The following KIF14 variants were observed in gnomAD, a reference collection of about 807,000 sequenced individuals.
KIF14 encodes kinesin family member 14.
In KIF14, 98 loss-of-function variants were observed where a neutral mutation model predicts 176.2. The observed-to-expected ratio is 0.56, with a 90% CI of 0.47 to 0.66. The LOEUF (loss-of-function observed/expected upper bound fraction) is 0.66. KIF14 is among the 30% of genes least tolerant of loss of function. The pLI is 0.00. For missense variants in KIF14, 1,751 were observed against 1,920.4 expected, an observed-to-expected ratio of 0.91 and a Z score of 1.65; for synonymous variants, 566 against 632.2, an observed-to-expected ratio of 0.90 and a Z score of 1.57.
intron 20 of KIF14, among the ~76,000 whole-genome samples, chr1:200,580,886 G>A (rs1056445696): frequency 2.0e-5 from 3 of 151,842 alleles, no homozygotes; most frequent in Non-Finnish European, 4.4e-5. Context: ...CAAGTCAGGC[G>A]GATCACTAGG....
At chr1:200,614,276 T>C in intron 4 of KIF14, 42 bp downstream of exon 4, 1 of 1,097,154 alleles carries the variant, frequency 9.1e-7, no homozygotes, top group Non-Finnish European at 1.4e-6. Flanking sequence ...TTTGACTATT[T>C]TCTACTCTGA....
Position 200,592,233 on chromosome 1 carries a change from C to A in KIF14, c.2660G>T (p.Arg887Leu), listed in dbSNP as rs777717315. ...ATAATGATCTCCACCAAGAATCACT[C>A]GATCACCCTAAAGCACACAAAAAAA... The part of the protein sequence containing the change: ...LEITVLRHGD[R>L]VILGGDHYFR... The change falls in exon 16 of 30, where the codon CGA (arginine) becomes CTA (leucine). Residue 887 changes from arginine (R) to leucine (L), a missense_variant. Physicochemically the swap from Arg to Leu is moderately radical, Grantham distance 102. Transcript: ENST00000367350. 1.2e-6 allele frequency: 2 copies of A among 1,612,730 alleles called. No homozygotes were observed. The highest frequency in any genetic ancestry group is 1.7e-5 in the Admixed American group (1 of 59,756).
intron 3 of KIF14, 78 bp downstream of exon 3, chr1:200,615,277 T>C: frequency 7.3e-7 from 1 of 1,374,292 alleles, no homozygotes; most frequent in Non-Finnish European, 1.0e-6. Context: ...AACTATATTC[T>C]TTCTATCACC....
At chr1:200,577,676 G>A (rs1249074549) in intron 21 of KIF14, among the ~76,000 whole-genome samples, 2 of 151,430 alleles carry the variant, frequency 1.3e-5, no homozygotes, top group Non-Finnish European at 2.9e-5. Context: ...ACTCCAGCCT[G>A]GCAACGGAGT....
intron 25 of KIF14, 151 bp downstream of exon 25, chr1:200,564,918 C>T: frequency 3.3e-6 from 2 of 606,408 alleles, no homozygotes; most frequent in Non-Finnish European, 5.8e-6. Flanking sequence ...TTTAACAAAT[C>T]AATTACAGAC....
chr1:200,600,551 C>T, intron 11 of KIF14, 48 bp from the exon 12 acceptor site: 1 of 1,300,476 alleles, frequency 7.7e-7, no homozygotes, highest in Non-Finnish European at 1.1e-6. Flanking sequence ...TAATATATAA[C>T]AATTTCCACA....
chr1:200,612,695 C>T (rs964848893), intron 4 of KIF14, among the ~76,000 whole-genome samples: 2 of 152,060 alleles, frequency 1.3e-5, no homozygotes, highest in Non-Finnish European at 2.9e-5. Flanking sequence ...TCATCAATTA[C>T]TCAAATCTAC....
chr1:200,589,682 T>C lies in KIF14; in HGVS notation c.2962-313A>G, dbSNP rs1043757295. Among the ~76,000 whole-genome samples, 6 of 138,642 alleles carry C rather than the reference T, an allele frequency of 4.3e-5. No individual in the cohort carries two copies. The East Asian group carries it at 1.0e-3, about 23-fold the overall frequency. 91.0% of individuals were successfully genotyped at this position (138,642 alleles called of 152,430 possible). A position where few individuals can be genotyped will look rare whatever the true frequency, so the allele number is the denominator to read the frequency against. ...CCACCAACTTTTTTCTTTTTTTTTT[T>C]TTTTTTTTTTTTTTTGAGACAGAGT... On this transcript the variant is annotated intron_variant, in intron 17 of 29. Transcript: ENST00000367350.
Position 200,554,565 on chromosome 1 carries a change from G to A in KIF14, c.4470C>T (p.Tyr1490=), listed in dbSNP as rs920669091. 1 of 1,549,760 alleles carries A rather than the reference G, an allele frequency of 6.5e-7. No homozygotes were observed. The highest frequency in any genetic ancestry group is 8.9e-7 in the Non-Finnish European group (1 of 1,126,650). The change falls in exon 29 of 30, where the codon TAC becomes TAT. Residue 1490 remains tyrosine (Y), a synonymous_variant. Transcript: ENST00000367350. ...GATTAACCATCCTCTTGAAATCTTG[G>A]TATTCAAAGTTTTCTTCTTGTACTT... ...RRQVQEENFE[Y]QDFKRMVNRA... is the part of the protein sequence containing the mutation.
rs2102717496 is a variant in KIF14, at chr1:200,598,310, T to C, written c.2476A>G (p.Thr826Ala). 6.8e-6 allele frequency: 11 copies of C among 1,613,526 alleles called. No individual in the cohort carries two copies. The highest frequency in any genetic ancestry group is 2.2e-5 in the East Asian group (1 of 44,756). Residue 826 changes from threonine to alanine, a missense_variant, in exon 14 of 30, where the codon ACA becomes GCA. Thr to Ala is a moderately conservative substitution (Grantham distance 58, BLOSUM62 0). Coordinates refer to ENST00000367350, the MANE Select transcript of KIF14 (RefSeq NM_014875.3). ...LLYMIKEGTT[T>A]VGKYKPNSSH... is the part of the protein sequence containing the mutation. ...GAGTTTGGTTTATACTTTCCAACTG[T>C]AGTTGTTCCTTCTTTTATCATATAT...
At chr1:200,558,720 C>T (rs770949421) in intron 27 of KIF14, among the ~76,000 whole-genome samples, 10 of 152,240 alleles carry the variant, frequency 6.6e-5, no homozygotes, top group Non-Finnish European at 1.2e-4. Context: ...GCTTACATGA[C>T]AGGGTCAGAG....
chr1:200,586,790 C>CATATATATATATATATATATATATAT (rs10610890), intron 18 of KIF14, among the ~76,000 whole-genome samples: 14 of 128,314 alleles, frequency 1.1e-4, no homozygotes, highest in South Asian at 6.8e-4. Flanking sequence ...TATATACATA[C>CATATATATATATATATATATATATAT]ATATATATAT....
intron 10 of KIF14, among the ~76,000 whole-genome samples, chr1:200,602,946 A>C (rs1373080862): frequency 6.6e-6 from 1 of 152,226 alleles, no homozygotes; most frequent in Non-Finnish European, 1.5e-5. Context: ...TGTATTAAGA[A>C]TTGTACACTA....
At chr1:200,576,133 G>C (rs184177045) in intron 21 of KIF14, among the ~76,000 whole-genome samples, 12 of 152,228 alleles carry the variant, frequency 7.9e-5, no homozygotes, top group African/African-American at 2.9e-4. Flanking sequence ...TTGATTCAGA[G>C]ATAGTACAAT....
intron 22 of KIF14, among the ~76,000 whole-genome samples, chr1:200,571,766 T>C (rs1571481982): frequency 1.3e-5 from 2 of 152,180 alleles, no homozygotes; most frequent in African/African-American, 4.8e-5. Flanking sequence ...TTACAGTTCT[T>C]CTACTTAGGG....
In KIF14 at chr1:200,581,285, G is replaced by A. The variant is rs941942994; in HGVS notation, c.3251C>T (p.Thr1084Ile). ...NRDKTFTVQT[T>I]WSSMKLSMMI... is the part of the protein sequence containing the mutation. ...CATTGAGAGTTTCATAGAGCTCCAA[G>A]TTGTCTGCACTAATACAAAGCACAC... Residue 1084 changes from threonine to isoleucine, a missense_variant, in exon 20 of 30, where the codon ACT (threonine) becomes ATT (isoleucine). Coordinates refer to ENST00000367350, the MANE Select transcript of KIF14 (RefSeq NM_014875.3). The A allele has an allele frequency of 1.9e-6, 3 of 1,599,452 alleles. No individual in the cohort carries two copies. The highest frequency in any genetic ancestry group is 2.6e-6 in the Non-Finnish European group (3 of 1,172,638).
intron 11 of KIF14, among the ~76,000 whole-genome samples, chr1:200,601,618 C>T (rs571924982): frequency 2.6e-5 from 4 of 152,188 alleles, no homozygotes; most frequent in Non-Finnish European, 4.4e-5. Context: ...TTGCTGCACA[C>T]GTCTATGACT....
chr1:200,575,124 T>C (rs1658025008), intron 22 of KIF14, among the ~76,000 whole-genome samples: 1 of 151,774 alleles, frequency 6.6e-6, no homozygotes, highest in Non-Finnish European at 1.5e-5. Context: ...ACCGGGCTAA[T>C]TTTTTGTATT....
At chr1:200,562,714 A>T (rs146953527) in intron 25 of KIF14, among the ~76,000 whole-genome samples, 1 of 152,170 alleles carries the variant, frequency 6.6e-6, no homozygotes, top group East Asian at 1.9e-4. Context: ...CATTTTCATG[A>T]TTCTATGCTG....
Sources: allele counts gnomAD v4.1 joint callset (sites outside exome capture counted in the v4.1 genomes callset), GRCh38; gene constraint gnomAD v4.1.1; transcripts MANE v1.5; gene names NCBI Gene and HGNC (gene_info 2026-07-23, HGNC 2026-07-21).